Variants in LRP10 observed in about 807,000 individuals in gnomAD.
LRP10 encodes the protein low-density lipoprotein receptor-related protein 10.
In LRP10, 42 loss-of-function variants were observed where a neutral mutation model predicts 58.5. The ratio of observed to expected loss-of-function variants is 0.72; its 90% CI spans 0.56 to 0.93. LRP10 has a LOEUF of 0.93. Among genes scored for constraint, LRP10 ranks in the 40% least tolerant of loss-of-function variants. The pLI is 0.00. For synonymous variants in LRP10, 377 were observed against 388.5 expected (o/e 0.97, Z 0.35); for missense variants, 872 against 940.1 (o/e 0.93, Z 0.95).
chr14:22,873,527 T>C (rs2039976666), intron 3 of LRP10, 81 bp downstream of exon 3: 2 of 192,270 alleles, frequency 1.0e-5, no homozygotes, highest in East Asian at 1.4e-4. Flanking sequence ...GGATCACTTC[T>C]TTTTTTTTTT....
In LRP10 at chr14:22,876,778, T is replaced by A. The variant is rs762954057; in HGVS notation, c.1514T>A (p.Ile505Asn). Residue 505 changes from isoleucine (I) to asparagine (N), a missense_variant, in exon 6 of 7, where the codon ATC becomes AAC. Coordinates refer to ENST00000359591, the MANE Select transcript of LRP10 (RefSeq NM_014045.5). ...GGGCAGCTCATTGCCCAGGGTGCCA[T>A]CCCACCTGTAGAAGACTTTCCTACA... is the stretch of plus-strand genomic sequence containing the variant. The part of the protein sequence containing the change: ...SYGQLIAQGA[I>N]PPVEDFPTEN... The A allele has an allele frequency of 4.3e-6, 7 of 1,613,656 alleles. No homozygotes were observed. Among genetic ancestry groups the A allele is most frequent in the Non-Finnish European group, 5.9e-6 (7 of 1,179,852 alleles).
Position 22,877,336 on chromosome 14 carries a change from T to C in LRP10, c.1951T>C (p.Leu651=), listed in dbSNP as rs369569425. The C allele has an allele frequency of 2.5e-6, 4 of 1,612,566 alleles. No individual in the cohort carries two copies. Among genetic ancestry groups the C allele is most frequent in the Non-Finnish European group, 3.4e-6 (4 of 1,179,264 alleles). ...CTCACTGCCCCTAGAGCCATCACTA[T>C]TGTCTGGAGTGGTGCAGGCCCTGCG... is the stretch of plus-strand genomic sequence containing the variant. The part of the protein sequence containing the change: ...LPSLPLEPSL[L]SGVVQALRGR... Residue 651 remains leucine (L), a synonymous_variant, in exon 7 of 7, where the codon TTG becomes CTG. Coordinates refer to ENST00000359591, the MANE Select transcript of LRP10 (RefSeq NM_014045.5). This position sits in a 1 kb window ranked among gnomAD's most constrained non-coding sequence, Gnocchi z 5.1.
Position 22,879,336 on chromosome 14 carries a change from G to A in LRP10, c.*1809G>A, listed in dbSNP as rs902039016. On this transcript the variant is annotated 3_prime_UTR_variant, in exon 7 of 7. Transcript: ENST00000359591. ...CAGAGACTGGGGAGAGGGCTCTGGA[G>A]AACCTGGTTCTTGCTTACTGTTCTC... 4 of 366,154 alleles carry A rather than the reference G, an allele frequency of 1.1e-5. No homozygotes were observed. The highest frequency in any genetic ancestry group is 4.2e-5 in the African/African-American group (2 of 47,598). The allele number at this position is 366,154 out of a possible 1,614,324, so 22.7% of individuals were successfully genotyped here.
In LRP10 at chr14:22,875,746, C is replaced by T. The variant is rs146471614; in HGVS notation, c.798C>T (p.Thr266=). ...PESSRLLRSL[T]HFSNGKAVTV... is the part of the protein sequence containing the mutation. ...GCTCCCGACTACTGCGTAGTCTCAC[C>T]CACTTCAGCAATGGCAAGGCTGTCA... The change falls in exon 5 of 7, where the codon ACC becomes ACT. Residue 266 remains threonine, a synonymous_variant. Transcript: ENST00000359591. The T allele has an allele frequency of 2.5e-6, 4 of 1,614,040 alleles. No homozygotes were observed. Among genetic ancestry groups the T allele is most frequent in the East Asian group, 2.2e-5 (1 of 44,876 alleles).
At position 22,880,571 on chromosome 14, in the gene LRP10, C is replaced by G. The variant is rs185723522; in HGVS notation, c.*3044C>G. The G allele has an allele frequency of 6.6e-6, 1 of 151,826 alleles. No individual in the cohort carries two copies. The highest frequency in any genetic ancestry group is 2.4e-5 in the African/African-American group (1 of 41,354). 9.4% of individuals were successfully genotyped at this position (151,826 alleles called of 1,614,324 possible). A position where few individuals can be genotyped will look rare whatever the true frequency, so the allele number is the denominator to read the frequency against. ...CCAAAAATACTAAAAATTAGCCAGTCTCACAACCTGGTCTCAAAATAAATA... is the reference window on the plus strand; with the variant it reads ...CCAAAAATACTAAAAATTAGCCAGTGTCACAACCTGGTCTCAAAATAAATA... On this transcript the variant is annotated 3_prime_UTR_variant, in exon 7 of 7. Transcript: ENST00000359591.
intron 3 of LRP10, among the ~76,000 whole-genome samples, chr14:22,874,417 C>T (rs1247796582): frequency 6.6e-6 from 1 of 152,176 alleles, no homozygotes. Context: ...ACTGCTGGTA[C>T]CATACTTGGG....
chr14:22,874,888 T>C (rs2039986149), intron 3 of LRP10, among the ~76,000 whole-genome samples, 167 bp from the exon 4 acceptor site: 1 of 152,092 alleles, frequency 6.6e-6, no homozygotes, highest in South Asian at 2.1e-4. Context: ...ACTCTGTCTC[T>C]AAATAAATAA....
chr14:22,876,433 A>G, intron 5 of LRP10, 61 bp downstream of exon 5: 6 of 1,577,754 alleles, frequency 3.8e-6, no homozygotes, highest in Non-Finnish European at 5.2e-6. Context: ...TGGGCTGTGC[A>G]GCTACAGGAG....
At position 22,875,889 on chromosome 14, in the gene LRP10, C is replaced by A. The variant is rs1483670933; in HGVS notation, c.941C>A (p.Pro314His). The change falls in exon 5 of 7, where the codon CCC (proline) becomes CAC (histidine). Residue 314 changes from proline to histidine, a missense_variant. By Grantham distance (77) the Pro-to-His change is moderately conservative. Transcript: ENST00000359591. ...VRGYCLPWDR[P>H]CGLGSGLGAG... ...GGCTATTGCTTGCCTTGGGACAGAC[C>A]CTGTGGCTTAGGCTCTGGCCTGGGA... The A allele has an allele frequency of 1.2e-6, 2 of 1,613,520 alleles. No homozygotes were observed. The highest frequency in any genetic ancestry group is 1.7e-6 in the Non-Finnish European group (2 of 1,179,598).
At position 22,876,055 on chromosome 14, in the gene LRP10, T is replaced by G; in HGVS notation, c.1107T>G (p.Ser369=). The change falls in exon 5 of 7, where the codon TCT becomes TCG. Residue 369 remains serine, a synonymous_variant. Coordinates refer to ENST00000359591, the MANE Select transcript of LRP10 (RefSeq NM_014045.5). ...TCCCCTGTGGGGCTGCTGGCACCTCTGGTGCCACAGCCTGCTACCTGCCTG... is the reference window on the plus strand; with the variant it reads ...TCCCCTGTGGGGCTGCTGGCACCTCGGGTGCCACAGCCTGCTACCTGCCTG... ...GHFPCGAAGT[S]GATACYLPAD... 5 of 1,613,162 alleles carry G rather than the reference T, an allele frequency of 3.1e-6. No homozygotes were observed. Among genetic ancestry groups the G allele is most frequent in the Non-Finnish European group, 4.2e-6 (5 of 1,179,602 alleles).
At position 22,872,317 on chromosome 14, in the gene LRP10, C is replaced by T; in HGVS notation, c.14C>T (p.Thr5Ile). 6.2e-7 allele frequency: 1 copy of T among 1,610,460 alleles called. No individual in the cohort carries two copies. The highest frequency in any genetic ancestry group is 8.5e-7 in the Non-Finnish European group (1 of 1,177,250). The change falls in exon 1 of 7, where the codon ACC becomes ATC. Residue 5 changes from threonine to isoleucine, a missense_variant. Transcript: ENST00000359591. MLLATLLLLLLGGAL... is the reference protein window; with the variant it reads MLLAILLLLLLGGAL... The stretch of plus-strand genomic sequence containing the variant: ...GGACAGCCCAGGATGCTGTTGGCCA[C>T]CCTCCTCCTCCTCCTCCTTGGTAAG...
At chr14:22,873,563 C>A in intron 3 of LRP10, 117 bp downstream of exon 3, 3 of 1,320,910 alleles carry the variant, frequency 2.3e-6, no homozygotes, top group Non-Finnish European at 3.0e-6. Context: ...TCACTCTTGT[C>A]ACCCGGGCTG....
In LRP10 at chr14:22,875,866, C is replaced by A; in HGVS notation, c.918C>A (p.Gly306=). The A allele has an allele frequency of 6.2e-7, 1 of 1,613,814 alleles. No individual in the cohort carries two copies. Among genetic ancestry groups the A allele is most frequent in the Non-Finnish European group, 8.5e-7 (1 of 1,179,810 alleles). The change falls in exon 5 of 7, where the codon GGC becomes GGA. Residue 306 remains glycine, a synonymous_variant. Transcript: ENST00000359591. The stretch of plus-strand genomic sequence containing the variant: ...TCAATGCCACCTACCATGTGCGGGG[C>A]TATTGCTTGCCTTGGGACAGACCCT... ...RGFNATYHVR[G]YCLPWDRPCG...
At chr14:22,876,438 CAGG>C (rs1173488166) in intron 5 of LRP10, 66 bp downstream of exon 5, 40 of 1,567,256 alleles carry the variant, frequency 2.6e-5, no homozygotes, top group Non-Finnish European at 3.3e-5. Context: ...TGTGCAGCTA[CAGG>C]AGACCACGAA....
At position 22,877,327 on chromosome 14, in the gene LRP10, C is replaced by T. The variant is rs2040019101; in HGVS notation, c.1942C>T (p.Pro648Ser). ...PGPLPSLPLE[P>S]SLLSGVVQAL... ...GCCACTGCCCTCACTGCCCCTAGAG[C>T]CATCACTATTGTCTGGAGTGGTGCA... Residue 648 changes from proline (P) to serine (S), a missense_variant, in exon 7 of 7, where the codon CCA (proline) becomes TCA (serine). Transcript: ENST00000359591. This position sits in a 1 kb window ranked among gnomAD's most constrained non-coding sequence, Gnocchi z 5.1. 1.2e-6 allele frequency: 2 copies of T among 1,612,172 alleles called. No individual in the cohort carries two copies. The highest frequency in any genetic ancestry group is 2.2e-5 in the East Asian group (1 of 44,852).
Position 22,873,466 on chromosome 14 carries a change from C to G in LRP10, c.215+20C>G. 6.2e-7 allele frequency: 1 copy of G among 1,612,708 alleles called. No individual in the cohort carries two copies. Among genetic ancestry groups the G allele is most frequent in the Non-Finnish European group, 8.5e-7 (1 of 1,178,978 alleles). On this transcript the variant is annotated intron_variant, in intron 3 of 6. Transcript: ENST00000359591. ...CATCAGGTGAGAAGCAGAACAAGAGCAAGAACCCATTCTTCTCCCCTGCCC... is the reference window on the plus strand; with the variant it reads ...CATCAGGTGAGAAGCAGAACAAGAGGAAGAACCCATTCTTCTCCCCTGCCC...
chr14:22,873,021 T>C, intron 2 of LRP10: 1 of 601,866 alleles, frequency 1.7e-6, no homozygotes, highest in Non-Finnish European at 2.9e-6. Context: ...GGATGTAGTC[T>C]CCCTGAGGGT....
chr14:22,876,156 A>G lies in LRP10; in HGVS notation c.1208A>G (p.Asn403Ser), dbSNP rs1181905976. ...ERRCRHCQPG[N>S]FRCRDEKCVY... Reference sequence around the variant, plus strand: ...CGCTGTCGGCATTGCCAGCCTGGCAATTTCCGATGCCGGGACGAGAAGTGC... The same window carrying G: ...CGCTGTCGGCATTGCCAGCCTGGCAGTTTCCGATGCCGGGACGAGAAGTGC... Residue 403 changes from asparagine (N) to serine (S), a missense_variant, in exon 5 of 7, where the codon AAT becomes AGT. Transcript: ENST00000359591. The G allele has an allele frequency of 5.6e-6, 9 of 1,614,192 alleles. No individual in the cohort carries two copies. Among genetic ancestry groups the G allele is most frequent in the Non-Finnish European group, 7.6e-6 (9 of 1,180,038 alleles).
At chr14:22,874,671 T>C (rs1348105977) in intron 3 of LRP10, among the ~76,000 whole-genome samples, 1 of 152,222 alleles carries the variant, frequency 6.6e-6, no homozygotes, top group African/African-American at 2.4e-5. Context: ...GTGGATCACC[T>C]GAGGCCAGGA....
Sources: allele counts gnomAD v4.1 joint callset (sites outside exome capture counted in the v4.1 genomes callset), GRCh38; gene constraint gnomAD v4.1.1; non-coding constraint Gnocchi (gnomAD v3.1); transcripts MANE v1.5; gene names NCBI Gene and HGNC (gene_info 2026-07-23, HGNC 2026-07-21).